The following CEP68 variants were observed in gnomAD, a reference collection of about 807,000 sequenced individuals.
CEP68 encodes the protein centrosomal protein of 68 kDa.
Under a neutral mutation model 55.3 loss-of-function variants are expected in CEP68, and 26 were observed. The observed-to-expected ratio is 0.47, with a 90% CI of 0.34 to 0.65. CEP68 has a LOEUF of 0.65. Among genes scored for constraint, CEP68 ranks in the 30% least tolerant of loss-of-function variants. The pLI is 0.01. For synonymous variants in CEP68, 402 were observed against 383.2 expected, an observed-to-expected ratio of 1.05 and a Z score of -0.57; for missense variants, 957 against 946.7, an observed-to-expected ratio of 1.01 and a Z score of -0.14.
At chr2:65,079,514 T>G (rs1676911856) in intron 5 of CEP68, among the ~76,000 whole-genome samples, 1 of 152,256 alleles carries the variant, frequency 6.6e-6, no homozygotes, top group Non-Finnish European at 1.5e-5. Context: ...ATGAGCTCTT[T>G]GCAATCCCCT....
At chr2:65,073,341 C>A (rs907623231) in intron 3 of CEP68, 2 of 341,036 alleles carry the variant, frequency 5.9e-6, no homozygotes, top group African/African-American at 2.1e-5. Context: ...TGCACAGATG[C>A]CTTTAGGAAA....
chr2:65,071,118 AG>A (rs1676439497), intron 2 of CEP68: 2 of 309,994 alleles, frequency 6.5e-6, no homozygotes, highest in African/African-American at 4.3e-5. Flanking sequence ...TTCATCTGCC[AG>A]GAGACGCTTC....
intron 5 of CEP68, among the ~76,000 whole-genome samples, chr2:65,078,431 A>C (rs542312636): frequency 6.6e-6 from 1 of 152,350 alleles, no homozygotes; most frequent in East Asian, 1.9e-4. Context: ...TGTATTGCTC[A>C]AAAGTATCTG....
rs1669038986 is a variant in CEP68 at position 65,086,728 on chromosome 2, C to T, written c.*3094C>T. 6.6e-6 allele frequency: 1 copy of T among 152,580 alleles called. No homozygotes were observed. The highest frequency in any genetic ancestry group is 1.5e-5 in the Non-Finnish European group (1 of 68,024). 9.5% of individuals were successfully genotyped at this position (152,580 alleles called of 1,614,324 possible). ...TTTCTGAACTCTTTCCCCCTTTATA[C>T]TGTATTAAGGCAAAAACAAAACTTC... On this transcript the variant is annotated 3_prime_UTR_variant, in exon 7 of 7. Transcript: ENST00000377990.
intron 1 of CEP68, among the ~76,000 whole-genome samples, chr2:65,065,245 A>G (rs756011700): frequency 1.9e-4 from 29 of 152,364 alleles, no homozygotes; most frequent in African/African-American, 2.9e-4. Flanking sequence ...TACTTCTGCA[A>G]TTCATGCTGA....
chr2:65,080,463 G>C, intron 5 of CEP68: 1 of 985,410 alleles, frequency 1.0e-6, no homozygotes, highest in Middle Eastern at 5.2e-4. Context: ...AACATGTTTT[G>C]TTCCAGTCCT....
chr2:65,072,002 G>A lies in CEP68; in HGVS notation c.906G>A (p.Leu302=). The change falls in exon 3 of 7, where the codon CTG becomes CTA. Residue 302 remains leucine, a synonymous_variant. Coordinates refer to ENST00000377990, the MANE Select transcript of CEP68 (RefSeq NM_015147.3). ...LWNPNKEYED[L]LDYTYPLRPG... ...ACCCAAATAAAGAGTATGAAGATCT[G>A]CTTGACTATACTTACCCACTGAGGC... 3.7e-6 allele frequency: 6 copies of A among 1,613,020 alleles called. No homozygotes were observed. Among genetic ancestry groups the A allele is most frequent in the Non-Finnish European group, 5.1e-6 (6 of 1,179,994 alleles).
intron 5 of CEP68, among the ~76,000 whole-genome samples, chr2:65,079,780 C>T (rs1469403443): frequency 1.3e-5 from 2 of 152,194 alleles, no homozygotes; most frequent in Non-Finnish European, 2.9e-5. Context: ...CCGCAGCTTC[C>T]CAGTGTCTGG....
In CEP68 at chr2:65,069,649, G is replaced by A. The variant is rs749181539; in HGVS notation, c.205G>A (p.Gly69Arg). The A allele has an allele frequency of 1.1e-5, 18 of 1,614,090 alleles. No homozygotes were observed. The Admixed American group carries it at 3.0e-4, about 27-fold the overall frequency. Residue 69 changes from glycine to arginine, a missense_variant, in exon 2 of 7, where the codon GGG (glycine) becomes AGG (arginine). By Grantham distance (125) the Gly-to-Arg change is moderately radical. Coordinates refer to ENST00000377990, the MANE Select transcript of CEP68 (RefSeq NM_015147.3). ...GATACCTGCCCCTACTTGCTGGATTGGGACTGACCCTGGCGGCCCCTCTAG... is the reference window on the plus strand; with the variant it reads ...GATACCTGCCCCTACTTGCTGGATTAGGACTGACCCTGGCGGCCCCTCTAG... The part of the protein sequence containing the change: ...EGIPAPTCWI[G>R]TDPGGPSRAH...
At chr2:65,060,015 T>TA (rs149151993) in intron 1 of CEP68, among the ~76,000 whole-genome samples, 7,053 of 151,264 alleles carry the variant, frequency 0.047, 589 homozygotes, top group African/African-American at 0.16. Context: ...TCTATCTTGT[T>TA]AAAAAAAAAC....
chr2:65,072,319 A>G lies in CEP68; in HGVS notation c.1223A>G (p.Asp408Gly). The G allele has an allele frequency of 6.2e-7, 1 of 1,613,994 alleles. No homozygotes were observed. Among genetic ancestry groups the G allele is most frequent in the Non-Finnish European group, 8.5e-7 (1 of 1,180,006 alleles). The change falls in exon 3 of 7, where the codon GAT (aspartate) becomes GGT (glycine). Residue 408 changes from aspartate to glycine, a missense_variant. Coordinates refer to ENST00000377990, the MANE Select transcript of CEP68 (RefSeq NM_015147.3). ...ACCCCCAGAGCCCCAGGCAGTAGGG[A>G]TGCTCGTTGGGAGCGCAGAGAGCCA... ...ASTPRAPGSR[D>G]ARWERREPAL...
Position 65,077,872 on chromosome 2 carries a change from T to C in CEP68, c.2012T>C (p.Phe671Ser). The stretch of plus-strand genomic sequence containing the variant: ...CTTTTTCTGATACGCCTTAAGCAAT[T>C]TAAGAAAGATATAGATGAACATCAG... ...LKSSLQLYRQFKKDIDEHQSL... is the reference protein window; with the variant it reads ...LKSSLQLYRQSKKDIDEHQSL... The change falls in exon 5 of 7, where the codon TTT becomes TCT. Residue 671 changes from phenylalanine to serine, a missense_variant. Physicochemically the swap from Phe to Ser is radical, Grantham distance 155. Coordinates refer to ENST00000377990, the MANE Select transcript of CEP68 (RefSeq NM_015147.3). 1 of 1,610,508 alleles carries C rather than the reference T, an allele frequency of 6.2e-7. No individual in the cohort carries two copies. Among genetic ancestry groups the C allele is most frequent in the Non-Finnish European group, 8.5e-7 (1 of 1,178,262 alleles).
chr2:65,059,649 C>T (rs934496998), intron 1 of CEP68, among the ~76,000 whole-genome samples: 3 of 152,120 alleles, frequency 2.0e-5, no homozygotes, highest in South Asian at 2.1e-4. Context: ...ATATAGGCAC[C>T]CAAGGAATGG....
intron 1 of CEP68, among the ~76,000 whole-genome samples, chr2:65,063,588 T>G (rs887587239): frequency 2.0e-5 from 3 of 152,190 alleles, no homozygotes; most frequent in African/African-American, 7.2e-5. Context: ...TTATTAGAAG[T>G]GCAACCTGAA....
At chr2:65,064,406 G>A (rs1676057452) in intron 1 of CEP68, among the ~76,000 whole-genome samples, 1 of 152,154 alleles carries the variant, frequency 6.6e-6, no homozygotes, top group South Asian at 2.1e-4. Context: ...AGTGAGAGGT[G>A]TGGGGAATCT....
At chr2:65,066,363 G>A (rs1023843399) in intron 1 of CEP68, among the ~76,000 whole-genome samples, 4 of 152,174 alleles carry the variant, frequency 2.6e-5, no homozygotes, top group African/African-American at 4.8e-5. Context: ...TTGGGAGGCT[G>A]AGGCGGGTGG....
chr2:65,082,763 T>A (rs765111004), intron 6 of CEP68, 54 bp downstream of exon 6: 5 of 1,410,482 alleles, frequency 3.5e-6, no homozygotes, highest in Admixed American at 2.5e-5. Flanking sequence ...CTGTAACAGT[T>A]GGCCACTACT....
In CEP68 at chr2:65,069,664, G is replaced by T; in HGVS notation, c.220G>T (p.Gly74Cys). 1.2e-6 allele frequency: 2 copies of T among 1,613,886 alleles called. No individual in the cohort carries two copies. Among genetic ancestry groups the T allele is most frequent in the Non-Finnish European group, 1.7e-6 (2 of 1,179,962 alleles). Residue 74 changes from glycine (G) to cysteine (C), a missense_variant, in exon 2 of 7, where the codon GGC becomes TGC. Gly to Cys is a radical substitution (Grantham distance 159). Transcript: ENST00000377990. ...TTGCTGGATTGGGACTGACCCTGGC[G>T]GCCCCTCTAGAGCCCACCAGCCACA... Reference protein sequence around the residue: ...PTCWIGTDPGGPSRAHQPQAS... With the variant: ...PTCWIGTDPGCPSRAHQPQAS...
chr2:65,074,079 T>G (rs558561767), intron 3 of CEP68: 2 of 550,198 alleles, frequency 3.6e-6, no homozygotes, highest in Non-Finnish European at 6.3e-6. Flanking sequence ...CCTGTCATTT[T>G]TGATGTCACA....
Sources: gnomAD v4.1 joint callset for allele counts (sites outside exome capture counted in the v4.1 genomes callset) on GRCh38, gnomAD v4.1.1 for gene constraint, MANE v1.5 for transcripts, NCBI Gene and HGNC (gene_info 2026-07-23, HGNC 2026-07-21) for gene names.